The following RIT1 variants were observed in gnomAD, a reference collection of about 807,000 sequenced individuals.
RIT1 encodes GTP-binding protein Rit1.
A neutral mutation model predicts 25.6 loss-of-function variants in RIT1; 6 were observed. The ratio of observed to expected loss-of-function variants is 0.23; its 90% confidence interval spans 0.13 to 0.46. The LOEUF (loss-of-function observed/expected upper bound fraction) is 0.46. Among genes scored for constraint, RIT1 ranks in the 20% least tolerant of loss-of-function variants. RIT1 has a pLI of 0.99. For missense variants in RIT1, 219 were observed against 284.4 expected (o/e 0.77, Z 1.65); for synonymous variants, 81 against 94.1 (o/e 0.86, Z 0.80).
Position 155,898,974 on chromosome 1 carries a change from C to T in RIT1, c.*1414G>A, listed in dbSNP as rs1292596203. ...TGTGTGCTTATAAAGAGGTGCTACA[C>T]AAGTCATCTTACGTTTCTAGTCAAC... On this transcript the variant is annotated 3_prime_UTR_variant, in exon 6 of 6. Transcript: ENST00000368323. 5 of 213,180 alleles carry T rather than the reference C, an allele frequency of 2.3e-5. No individual in the cohort carries two copies. Among genetic ancestry groups the T allele is most frequent in the African/African-American group, 1.1e-4 (5 of 44,220 alleles). 13.2% of individuals were successfully genotyped at this position (213,180 alleles called of 1,614,324 possible).
rs1028072423 is a variant in RIT1 at position 155,898,008 on chromosome 1, C to A, written c.*2380G>T. 2 of 152,272 alleles carry A rather than the reference C, an allele frequency of 1.3e-5. No homozygotes were observed. Among genetic ancestry groups the A allele is most frequent in the South Asian group, 2.1e-4 (1 of 4,828 alleles). 9.4% of individuals were successfully genotyped at this position (152,272 alleles called of 1,614,324 possible). On this transcript the variant is annotated 3_prime_UTR_variant, in exon 6 of 6. Transcript: ENST00000368323. ...CATCTGGATCTTATAATTTACCGGT[C>A]TGGTATGGACATGAACAGTTCCAGT...
chr1:155,907,457 G>C (rs905753422), intron 3 of RIT1, among the ~76,000 whole-genome samples: 4 of 152,064 alleles, frequency 2.6e-5, no homozygotes, highest in African/African-American at 9.7e-5. Context: ...TGGCCAGGCT[G>C]GTCTTGAACT....
At chr1:155,910,154 G>C (rs1351195179) in intron 3 of RIT1, 2 of 306,434 alleles carry the variant, frequency 6.5e-6, no homozygotes, top group African/African-American at 2.2e-5. Flanking sequence ...CCTTAGAGAA[G>C]TGACAGCAAG....
intron 3 of RIT1, among the ~76,000 whole-genome samples, chr1:155,908,720 G>A (rs1277023539): frequency 6.6e-6 from 1 of 151,226 alleles, no homozygotes; most frequent in Admixed American, 6.6e-5. Context: ...CCAGCACCAC[G>A]CCCGGCTAGT....
chr1:155,897,928 CAAAGTT>C lies in RIT1; in HGVS notation c.*2454_*2459del, dbSNP rs2102577840. The C allele has an allele frequency of 6.6e-6, 1 of 152,220 alleles. No homozygotes were observed. The highest frequency in any genetic ancestry group is 6.6e-5 in the Admixed American group (1 of 15,246). 9.4% of individuals were successfully genotyped at this position (152,220 alleles called of 1,614,324 possible). On this transcript the variant is annotated 3_prime_UTR_variant, in exon 6 of 6. Transcript: ENST00000368323. ...TAGACCAATTCTTGCTAATATATGACAAAGTTAAAACATATGTCCCCTCTGAATTCT... is the reference window on the plus strand; with the variant it reads ...TAGACCAATTCTTGCTAATATATGACAAAACATATGTCCCCTCTGAATTCT...
chr1:155,908,849 C>T (rs946165500), intron 3 of RIT1, among the ~76,000 whole-genome samples: 2 of 151,948 alleles, frequency 1.3e-5, no homozygotes, highest in Non-Finnish European at 2.9e-5. Context: ...AGGCATGAGC[C>T]ACCGCGCCTG....
At chr1:155,901,861 C>A (rs772528883) in intron 5 of RIT1, among the ~76,000 whole-genome samples, 18 of 152,042 alleles carry the variant, frequency 1.2e-4, no homozygotes, top group Non-Finnish European at 2.5e-4. Context: ...CCTGTAATCC[C>A]AGCACTTTGG....
At chr1:155,908,852 C>T (rs965681456) in intron 3 of RIT1, among the ~76,000 whole-genome samples, 8 of 151,870 alleles carry the variant, frequency 5.3e-5, no homozygotes, top group African/African-American at 9.7e-5. Flanking sequence ...CATGAGCCAC[C>T]GCGCCTGGCC....
At chr1:155,906,752 T>C (rs1377996405) in intron 3 of RIT1, among the ~76,000 whole-genome samples, 1 of 122,566 alleles carries the variant, frequency 8.2e-6, no homozygotes, top group African/African-American at 3.3e-5. Context: ...AGGAGTGAAA[T>C]TCTCCGTCTC....
Position 155,898,039 on chromosome 1 carries a change from T to C in RIT1, c.*2349A>G, listed in dbSNP as rs1178909043. The C allele has an allele frequency of 2.0e-5, 3 of 152,312 alleles. No homozygotes were observed. The highest frequency in any genetic ancestry group is 7.2e-5 in the African/African-American group (3 of 41,438). The allele number at this position is 152,312 out of a possible 1,614,324, so 9.4% of individuals were successfully genotyped here. On this transcript the variant is annotated 3_prime_UTR_variant, in exon 6 of 6. Transcript: ENST00000368323. ...TGGACATGAACAGTTCCAGTGCCTT[T>C]CAACTTATCCCTGAATTTTTCTCTT...
chr1:155,898,519 ATATATATATAT>A lies in RIT1; in HGVS notation c.*1858_*1868del, dbSNP rs1257003202. The A allele has an allele frequency of 1.2e-5, 1 of 80,864 alleles. No individual in the cohort carries two copies. Among genetic ancestry groups the A allele is most frequent in the African/African-American group, 5.1e-5 (1 of 19,676 alleles). The allele number at this position is 80,864 out of a possible 1,614,324, so 5.0% of individuals were successfully genotyped here. A position where few individuals can be genotyped will look rare whatever the true frequency, so the allele number is the denominator to read the frequency against. ...AAAAAAAAAAAAAAAAAAAAAAAAA[ATATATATATAT>A]ATATATATATATATCTCTTAATGTT... On this transcript the variant is annotated 3_prime_UTR_variant, in exon 6 of 6. Transcript: ENST00000368323.
At chr1:155,907,080 C>A (rs1447327196) in intron 3 of RIT1, among the ~76,000 whole-genome samples, 1 of 151,684 alleles carries the variant, frequency 6.6e-6, no homozygotes, top group Non-Finnish European at 1.5e-5. Flanking sequence ...TGCACTCCAG[C>A]ATGGGCAACA....
intron 3 of RIT1, among the ~76,000 whole-genome samples, chr1:155,907,604 T>C (rs1242935185): frequency 6.6e-6 from 1 of 152,146 alleles, no homozygotes; most frequent in Non-Finnish European, 1.5e-5. Flanking sequence ...TTTTTCTGAG[T>C]TTACAGCCAG....
chr1:155,903,895 A>G (rs1237145504), intron 5 of RIT1, among the ~76,000 whole-genome samples: 2 of 152,212 alleles, frequency 1.3e-5, no homozygotes, highest in Non-Finnish European at 2.9e-5. Context: ...CTGTGGTCCC[A>G]GCTACCCTCA....
Position 155,897,864 on chromosome 1 carries a change from A to G in RIT1, c.*2524T>C, listed in dbSNP as rs935665836. The G allele has an allele frequency of 6.6e-6, 1 of 152,316 alleles. No individual in the cohort carries two copies. The highest frequency in any genetic ancestry group is 2.4e-5 in the African/African-American group (1 of 41,442). 9.4% of individuals were successfully genotyped at this position (152,316 alleles called of 1,614,324 possible). A position where few individuals can be genotyped will look rare whatever the true frequency, so the allele number is the denominator to read the frequency against. On this transcript the variant is annotated 3_prime_UTR_variant, in exon 6 of 6. Coordinates refer to ENST00000368323, the MANE Select transcript of RIT1 (RefSeq NM_006912.6). ...ACTGTCTTCACATACAAGTGCATTA[A>G]AAAAATTATCCCCCCCTCCTCCTCC...
rs1177306699 is a variant in RIT1 at position 155,910,727 on chromosome 1, C to T, written c.35G>A (p.Cys12Tyr). ...CCGTGAGAGCCCAGCGGGGCTGCTA[C>T]AGCAGCTACCAACTGGGCGAGTTCC... The part of the protein sequence containing the change: ...DSGTRPVGSC[C>Y]SSPAGLSREY... The change falls in exon 2 of 6, where the codon TGT becomes TAT. Residue 12 changes from cysteine to tyrosine, a missense_variant. Physicochemically the swap from Cys to Tyr is radical, Grantham distance 194. Transcript: ENST00000368323. 5.6e-6 allele frequency: 9 copies of T among 1,614,126 alleles called. No homozygotes were observed. The highest frequency in any genetic ancestry group is 1.7e-5 in the Admixed American group (1 of 60,018).
In RIT1 at chr1:155,910,963, A is replaced by ACC. The variant is rs11387126; in HGVS notation, c.-43-161_-43-160dup. ...GCACCCTTTCGGGTGGCCCTAAGAA[A>ACC]CCCCCCCATCTTCACCCTCCCTCCT... On this transcript the variant is annotated intron_variant, in intron 1 of 5. Coordinates refer to ENST00000368323, the MANE Select transcript of RIT1 (RefSeq NM_006912.6). The ACC allele has an allele frequency of 7.3e-3, 10,469 of 1,431,072 alleles. 619 individuals carry two copies. In the African/African-American group the frequency reaches 0.15, roughly 20 times the overall value. 88.6% of individuals were successfully genotyped at this position (1,431,072 alleles called of 1,614,324 possible). A position where few individuals can be genotyped will look rare whatever the true frequency, so the allele number is the denominator to read the frequency against.
Position 155,909,937 on chromosome 1 carries a change from AC to A in RIT1, c.163+512del, listed in dbSNP as rs200024590. Reference sequence around the variant, plus strand: ...ACTCCATCTCAAAAAAAAAAAAAAAACAACAGACAGACATGGGAGAAGACAT... The same window carrying A: ...ACTCCATCTCAAAAAAAAAAAAAAAAAACAGACAGACATGGGAGAAGACAT... On this transcript the variant is annotated intron_variant, in intron 3 of 5. Coordinates refer to ENST00000368323, the MANE Select transcript of RIT1 (RefSeq NM_006912.6). Among the ~76,000 whole-genome samples the A allele has an allele frequency of 9.3e-5, 14 of 151,058 alleles. 2 individuals are homozygous for A. Among genetic ancestry groups the A allele is most frequent in the South Asian group, 4.2e-4 (2 of 4,792 alleles).
At chr1:155,906,843 C>G (rs116368781) in intron 3 of RIT1, among the ~76,000 whole-genome samples, 3,674 of 150,814 alleles carry the variant, frequency 0.024, 140 homozygotes, top group African/African-American at 0.085. Context: ...GTGGCTCTCA[C>G]GCCTGTAATC....
Sources: allele counts gnomAD v4.1 joint callset (sites outside exome capture counted in the v4.1 genomes callset), GRCh38; gene constraint gnomAD v4.1.1; transcripts MANE v1.5; gene names NCBI Gene and HGNC (gene_info 2026-07-23, HGNC 2026-07-21).